KIAA2012: variants seen among roughly 807,000 people sequenced by gnomAD.
KIAA2012 encodes KIAA2012.
A neutral mutation model predicts 150.6 loss-of-function variants in KIAA2012; 125 were observed. That is an observed-to-expected ratio of 0.83 (90% CI 0.72 to 0.96). The LOEUF is 0.96. Among genes scored for constraint, KIAA2012 ranks in the 40% least tolerant of loss-of-function variants. KIAA2012 has a pLI of 0.00. For synonymous variants in KIAA2012, 462 were observed against 504.7 expected (o/e 0.92, Z 1.13); for missense variants, 1,219 against 1,354.9 (o/e 0.90, Z 1.57).
intron 11 of KIAA2012, among the ~76,000 whole-genome samples, chr2:202,117,798 C>T (rs1690562814): frequency 6.6e-6 from 1 of 152,186 alleles, no homozygotes; most frequent in Admixed American, 6.5e-5. Context: ...GATCCCTTAC[C>T]GCAGGACTTC....
chr2:202,162,472 A>G (rs1007089127), intron 14 of KIAA2012, among the ~76,000 whole-genome samples: 1 of 150,532 alleles, frequency 6.6e-6, no homozygotes. Context: ...ACAGGATTTC[A>G]CCATGTTAGC....
intron 2 of KIAA2012, among the ~76,000 whole-genome samples, chr2:202,083,318 T>C (rs980497997): frequency 1.3e-5 from 2 of 152,238 alleles, no homozygotes; most frequent in African/African-American, 4.8e-5. Flanking sequence ...AAAGTCACGC[T>C]GGGGATGGAG....
intron 15 of KIAA2012, among the ~76,000 whole-genome samples, chr2:202,184,052 C>T (rs927551909): frequency 2.0e-5 from 3 of 152,068 alleles, no homozygotes; most frequent in Admixed American, 1.3e-4. Context: ...AATTACTCCC[C>T]CAGTCTCCCT....
chr2:202,112,855 T>A (rs2105929229), intron 10 of KIAA2012, among the ~76,000 whole-genome samples: 1 of 152,336 alleles, frequency 6.6e-6, no homozygotes, highest in Middle Eastern at 3.4e-3. Flanking sequence ...CATCTTGACC[T>A]GAGCCCCTGG....
chr2:202,173,680 A>G (rs761160096), intron 15 of KIAA2012, among the ~76,000 whole-genome samples: 4 of 152,264 alleles, frequency 2.6e-5, no homozygotes, highest in Non-Finnish European at 5.9e-5. Flanking sequence ...TATATTTTTA[A>G]AAGTATTAAC....
At chr2:202,103,252 G>C in intron 8 of KIAA2012, 138 bp downstream of exon 8, 1 of 839,298 alleles carries the variant, frequency 1.2e-6, no homozygotes, top group South Asian at 2.1e-5. Flanking sequence ...AAGGAAAAAG[G>C]ATAAAATCTA....
rs183222082 is a variant in KIAA2012, at chr2:202,189,149, G to A, written c.2491+883G>A. On this transcript the variant is annotated intron_variant, in intron 18 of 23. Transcript: ENST00000498697. ...CTACCAAAGGTGAAGCGAAGGAAGG[G>A]TCCTTAGAGTACGGAAGGCTGAACT... is the stretch of plus-strand genomic sequence containing the variant. Among the ~76,000 whole-genome samples the A allele has an allele frequency of 7.4e-4, 112 of 152,248 alleles. No homozygotes were observed. In the East Asian group the frequency reaches 0.018, roughly 24 times the overall value.
rs1339534273 is a variant in KIAA2012 at position 202,190,513 on chromosome 2, G to C, written c.2811+20G>C. 1.8e-5 allele frequency: 26 copies of C among 1,462,582 alleles called. No individual in the cohort carries two copies. Among genetic ancestry groups the C allele is most frequent in the Non-Finnish European group, 2.4e-5 (26 of 1,102,450 alleles). 90.6% of individuals were successfully genotyped at this position (1,462,582 alleles called of 1,614,324 possible). ...TCCAAGGTAGGGTCTGATGTCCTCA[G>C]CTTGACAGAGGAAGTTCTGTTCTCA... On this transcript the variant is annotated intron_variant, in intron 19 of 23. Transcript: ENST00000498697.
chr2:202,170,061 G>C (rs1040590366), intron 15 of KIAA2012, among the ~76,000 whole-genome samples: 8 of 152,142 alleles, frequency 5.3e-5, no homozygotes, highest in African/African-American at 1.4e-4. Context: ...CCCACTTCCG[G>C]GGAAGGCTGG....
chr2:202,073,809 T>G, intron 1 of KIAA2012, 98 bp downstream of exon 1: 1 of 1,054,986 alleles, frequency 9.5e-7, no homozygotes, highest in Non-Finnish European at 1.4e-6. Flanking sequence ...TTGGTTTGTG[T>G]TGTTAGTGAG....
At chr2:202,133,217 C>G (rs1473743168) in intron 12 of KIAA2012, among the ~76,000 whole-genome samples, 8 of 141,938 alleles carry the variant, frequency 5.6e-5, no homozygotes, top group African/African-American at 2.1e-4. Flanking sequence ...AGCCTTTTTT[C>G]TGAATTACTT....
chr2:202,084,887 C>T (rs1320794944), intron 2 of KIAA2012, among the ~76,000 whole-genome samples: 1 of 151,972 alleles, frequency 6.6e-6, no homozygotes, highest in Non-Finnish European at 1.5e-5. Flanking sequence ...TGCCCAGCAC[C>T]CTAATACTCC....
chr2:202,193,104 G>C (rs192716699), intron 19 of KIAA2012, among the ~76,000 whole-genome samples, 197 bp from the exon 20 acceptor site: 12 of 152,208 alleles, frequency 7.9e-5, no homozygotes, highest in South Asian at 2.1e-4. Flanking sequence ...GCAAGTAAGA[G>C]AGAGAGTTGA....
intron 2 of KIAA2012, among the ~76,000 whole-genome samples, chr2:202,082,540 G>A (rs915519807): frequency 6.6e-6 from 1 of 151,900 alleles, no homozygotes; most frequent in Non-Finnish European, 1.5e-5. Context: ...AGTTTGCAGT[G>A]AGCCAAGATC....
At chr2:202,144,509 C>T (rs1691258005) in intron 13 of KIAA2012, among the ~76,000 whole-genome samples, 1 of 152,024 alleles carries the variant, frequency 6.6e-6, no homozygotes, top group Non-Finnish European at 1.5e-5. Flanking sequence ...CCAAAAACAA[C>T]ATGCACACGA....
intron 12 of KIAA2012, among the ~76,000 whole-genome samples, chr2:202,133,263 T>G (rs982919245): frequency 2.0e-5 from 3 of 151,322 alleles, no homozygotes; most frequent in East Asian, 1.9e-4. Context: ...ATATCCTTAT[T>G]AATCCTGTGA....
chr2:202,085,956 T>A (rs556991336), intron 2 of KIAA2012, among the ~76,000 whole-genome samples: 1 of 151,358 alleles, frequency 6.6e-6, no homozygotes, highest in South Asian at 2.1e-4. Flanking sequence ...GATCACGAGG[T>A]CAGGAGTTCG....
chr2:202,179,312 G>T, intron 15 of KIAA2012: 1 of 1,199,614 alleles, frequency 8.3e-7, no homozygotes, highest in Non-Finnish European at 1.2e-6. Flanking sequence ...AGCGCGGTAC[G>T]GCTTTTCGCT....
At chr2:202,179,438 G>A (rs1438253613) in intron 15 of KIAA2012, 3 of 721,086 alleles carry the variant, frequency 4.2e-6, no homozygotes, top group Non-Finnish European at 7.8e-6. Context: ...ATTAGCAACC[G>A]AGAAAAAACA....
Sources: gnomAD v4.1 joint callset for allele counts (sites outside exome capture counted in the v4.1 genomes callset) on GRCh38, gnomAD v4.1.1 for gene constraint, MANE v1.5 for transcripts, NCBI Gene and HGNC (gene_info 2026-07-23, HGNC 2026-07-21) for gene names.